The following CSMD1 variants were observed in gnomAD, a reference collection of about 807,000 sequenced individuals.
The protein encoded by CSMD1 is CUB and Sushi multiple domains 1.
A neutral mutation model predicts 417.5 loss-of-function variants in CSMD1; 213 were observed. The observed-to-expected ratio is 0.51, with a 90% CI of 0.46 to 0.57. The LOEUF (loss-of-function observed/expected upper bound fraction) is 0.57. Ranked by LOEUF, CSMD1 falls within the 20% of genes least tolerant of loss-of-function variation. CSMD1 has a pLI of 0.00. For missense variants in CSMD1, 6,923 were observed against 4,529.7 expected, an observed-to-expected ratio of 1.53 and a Z score of -15.17; for synonymous variants, 2,862 against 1,736.8, an observed-to-expected ratio of 1.65 and a Z score of -16.11.
chr8:3,248,481 G>A (rs1419976411), intron 26 of CSMD1, among the ~76,000 whole-genome samples: 1 of 147,962 alleles, frequency 6.8e-6, no homozygotes, highest in Non-Finnish European at 1.5e-5. Context: ...AGTGACATCA[G>A]TGAAGCCCCT....
intron 3 of CSMD1, among the ~76,000 whole-genome samples, chr8:4,336,882 C>T (rs373112745): frequency 3.3e-5 from 5 of 151,952 alleles, no homozygotes; most frequent in East Asian, 1.9e-4. Flanking sequence ...TAAAAACATA[C>T]GGGAATGGGA....
intron 30 of CSMD1, among the ~76,000 whole-genome samples, chr8:3,213,397 T>G (rs181775199): frequency 1.3e-5 from 2 of 152,118 alleles, no homozygotes; most frequent in Admixed American, 6.6e-5. Context: ...GAGACCCCCA[T>G]GAAACCACCA....
chr8:4,404,472 G>T (rs940751221), intron 3 of CSMD1, among the ~76,000 whole-genome samples: 2 of 152,112 alleles, frequency 1.3e-5, no homozygotes, highest in Non-Finnish European at 2.9e-5. Context: ...GCCAAACTAT[G>T]TTTGAGGCAT....
At chr8:4,908,446 C>G (rs968956301) in intron 1 of CSMD1, among the ~76,000 whole-genome samples, 2 of 152,142 alleles carry the variant, frequency 1.3e-5, no homozygotes, top group Non-Finnish European at 1.5e-5. Flanking sequence ...CTATCTTTCT[C>G]TGCTCTCCTT....
intron 2 of CSMD1, among the ~76,000 whole-genome samples, chr8:4,510,429 A>G (rs1256588108): frequency 7.9e-6 from 1 of 127,070 alleles, no homozygotes; most frequent in East Asian, 2.5e-4. Flanking sequence ...AAAAGCAAAT[A>G]CTTTGTTCCA....
chr8:4,804,517 A>C (rs550235072), intron 1 of CSMD1, among the ~76,000 whole-genome samples: 25 of 151,830 alleles, frequency 1.6e-4, no homozygotes, highest in African/African-American at 6.0e-4. Context: ...CACCAGACAA[A>C]AGAATGGACG....
intron 3 of CSMD1, among the ~76,000 whole-genome samples, chr8:4,402,742 C>G (rs1418093952): frequency 1.3e-5 from 2 of 151,650 alleles, no homozygotes; most frequent in Non-Finnish European, 2.9e-5. Context: ...ATTCAACTAC[C>G]TCTTTGCATC....
rs998052563 is a variant in CSMD1 at position 2,998,102 on chromosome 8, G to A, written c.8286C>T (p.Phe2762=). The A allele has an allele frequency of 2.0e-5, 33 of 1,614,036 alleles. No homozygotes were observed. The highest frequency in any genetic ancestry group is 2.8e-5 in the Non-Finnish European group (33 of 1,179,880). Residue 2762 remains phenylalanine (F), a synonymous_variant, in exon 54 of 70, where the codon TTC becomes TTT. Transcript: ENST00000635120. ...GCAGCAAATAGCCCGTGTTGCAGGT[G>A]AAATTCACGACATCATTCAGGTTGA... ...SEFNLNDVVN[F]TCNTGYLLQG...
At position 3,199,749 on chromosome 8, in the gene CSMD1, C is replaced by G. The variant is rs1796892227; in HGVS notation, c.5159G>C (p.Gly1720Ala). ...GAAGTGGAAGCCGCGGGCAGAGGCA[C>G]CGCTCTTTGCACTGAATCGGAGCAG... The part of the protein sequence containing the change: ...QILLRFSAKS[G>A]ASARGFHFVY... The change falls in exon 33 of 70, where the codon GGT becomes GCT. Residue 1720 changes from glycine (G) to alanine (A), a missense_variant. By Grantham distance (60) the Gly-to-Ala change is moderately conservative. Transcript: ENST00000635120. 3 of 1,589,168 alleles carry G rather than the reference C, an allele frequency of 1.9e-6. No individual in the cohort carries two copies. Among genetic ancestry groups the G allele is most frequent in the Non-Finnish European group, 2.6e-6 (3 of 1,167,482 alleles).
intron 1 of CSMD1, among the ~76,000 whole-genome samples, chr8:4,940,729 T>C (rs1220660506): frequency 6.6e-6 from 1 of 152,116 alleles, no homozygotes; most frequent in Non-Finnish European, 1.5e-5. Context: ...TGCTCACAAA[T>C]CTCCAGGGTA....
At chr8:4,438,199 A>G (rs2129648530) in intron 2 of CSMD1, among the ~76,000 whole-genome samples, 1 of 152,250 alleles carries the variant, frequency 6.6e-6, no homozygotes, top group South Asian at 2.1e-4. Context: ...ATTGAGATCG[A>G]TCTGCAAGAA....
At chr8:4,520,350 T>C (rs1200034781) in intron 2 of CSMD1, among the ~76,000 whole-genome samples, 2 of 152,202 alleles carry the variant, frequency 1.3e-5, no homozygotes, top group African/African-American at 4.8e-5. Context: ...AATTTGGTAT[T>C]ACACTTCACA....
intron 4 of CSMD1, among the ~76,000 whole-genome samples, chr8:4,027,824 T>A (rs1193834743): frequency 6.6e-6 from 1 of 150,490 alleles, no homozygotes; most frequent in Non-Finnish European, 1.5e-5. Flanking sequence ...AAATGAAGAG[T>A]ATGACTTGAG....
chr8:3,514,971 G>T (rs1472256491), intron 10 of CSMD1, among the ~76,000 whole-genome samples: 1 of 152,086 alleles, frequency 6.6e-6, no homozygotes, highest in Non-Finnish European at 1.5e-5. Flanking sequence ...ATATATCAAA[G>T]TGCCTTTTAA....
chr8:3,361,902 G>A (rs1337876336), intron 20 of CSMD1, among the ~76,000 whole-genome samples: 1 of 152,036 alleles, frequency 6.6e-6, no homozygotes, highest in Non-Finnish European at 1.5e-5. Flanking sequence ...ATCTTGATTA[G>A]GCTTTCTAAG....
chr8:4,728,837 G>C lies in CSMD1; in HGVS notation c.86-91279C>G, dbSNP rs144572065. Among the ~76,000 whole-genome samples the C allele has an allele frequency of 9.9e-4, 151 of 152,108 alleles. 2 individuals carry two copies. Among genetic ancestry groups the C allele is most frequent in the African/African-American group, 3.4e-3 (143 of 41,470 alleles). ...AGTTCAAAACACCTCGAAACAAAAA[G>C]CTGGCATCTACTGAGATTAATAAAA... On this transcript the variant is annotated intron_variant, in intron 1 of 69. Coordinates refer to ENST00000635120, the MANE Select transcript of CSMD1 (RefSeq NM_033225.6).
At chr8:4,973,717 G>C (rs889576378) in intron 1 of CSMD1, among the ~76,000 whole-genome samples, 2 of 152,154 alleles carry the variant, frequency 1.3e-5, no homozygotes, top group African/African-American at 4.8e-5. Context: ...CTTATGTTGT[G>C]ATAATAGACT....
intron 2 of CSMD1, among the ~76,000 whole-genome samples, chr8:4,476,872 C>T (rs1298776867): frequency 6.6e-6 from 1 of 152,182 alleles, no homozygotes; most frequent in Non-Finnish European, 1.5e-5. Flanking sequence ...ACATAAACTA[C>T]AGGCTTTTTT....
intron 3 of CSMD1, among the ~76,000 whole-genome samples, chr8:4,380,068 T>C (rs1329993729): frequency 1.3e-5 from 2 of 152,220 alleles, no homozygotes; most frequent in Non-Finnish European, 2.9e-5. Flanking sequence ...CATATGAAGA[T>C]AAATGATTGG....
Sources: gnomAD v4.1 joint callset for allele counts (sites outside exome capture counted in the v4.1 genomes callset) on GRCh38, gnomAD v4.1.1 for gene constraint, MANE v1.5 for transcripts, NCBI Gene and HGNC (gene_info 2026-07-23, HGNC 2026-07-21) for gene names.